FER: variants seen among roughly 807,000 people sequenced by gnomAD.
The protein encoded by FER is FER tyrosine kinase, also known as tyrosine-protein kinase Fer.
In FER, 63 loss-of-function variants were observed where a neutral mutation model predicts 111.0. The ratio of observed to expected loss-of-function variants is 0.57; its 90% CI spans 0.46 to 0.70. The LOEUF is 0.70. Ranked by LOEUF, FER falls within the 30% of genes least tolerant of loss-of-function variation. FER has a pLI of 0.00. For missense variants in FER, 914 were observed against 954.0 expected, an observed-to-expected ratio of 0.96 and a Z score of 0.55; for synonymous variants, 327 against 313.9, an observed-to-expected ratio of 1.04 and a Z score of -0.44.
chr5:109,164,469 C>A (rs1433646838), intron 17 of FER, among the ~76,000 whole-genome samples: 1 of 152,168 alleles, frequency 6.6e-6, no homozygotes, highest in African/African-American at 2.4e-5. Context: ...TGTGCTGATA[C>A]TGCTGACATT....
chr5:108,749,255 T>G (rs866102480), intron 1 of FER, among the ~76,000 whole-genome samples: 1 of 151,676 alleles, frequency 6.6e-6, no homozygotes, highest in African/African-American at 2.4e-5. Context: ...TGGTTGGGGC[T>G]TGGGCCGGGC....
chr5:109,060,547 G>A (rs1456081921), intron 16 of FER, among the ~76,000 whole-genome samples: 1 of 152,006 alleles, frequency 6.6e-6, no homozygotes, highest in Non-Finnish European at 1.5e-5. Flanking sequence ...AGCTGGGCGT[G>A]GTGGTGTGTG....
chr5:108,762,154 A>G (rs898310294), intron 1 of FER, among the ~76,000 whole-genome samples: 16 of 152,092 alleles, frequency 1.1e-4, no homozygotes, highest in African/African-American at 3.9e-4. Flanking sequence ...ACGTCAGGCA[A>G]TCTGCCTGCC....
chr5:108,850,874 T>C (rs942580339), intron 5 of FER, among the ~76,000 whole-genome samples: 11 of 152,172 alleles, frequency 7.2e-5, no homozygotes, highest in African/African-American at 2.4e-4. Flanking sequence ...AATAAAGAAA[T>C]AGTTGAAACC....
chr5:108,878,794 T>C (rs189270644), intron 8 of FER, among the ~76,000 whole-genome samples: 1 of 152,230 alleles, frequency 6.6e-6, no homozygotes, highest in African/African-American at 2.4e-5. Flanking sequence ...TTTTGTTTAT[T>C]GTGATTATAC....
chr5:109,017,496 G>A (rs1767308283), intron 13 of FER, among the ~76,000 whole-genome samples: 1 of 151,890 alleles, frequency 6.6e-6, no homozygotes, highest in Admixed American at 6.6e-5. Context: ...TTATAAATAA[G>A]TCTTGTATAT....
chr5:109,061,454 A>C (rs1234166884), intron 16 of FER, among the ~76,000 whole-genome samples: 1 of 152,194 alleles, frequency 6.6e-6, no homozygotes, highest in East Asian at 1.9e-4. Flanking sequence ...CTATTAAATA[A>C]GTGAGGTACA....
intron 8 of FER, among the ~76,000 whole-genome samples, chr5:108,879,701 A>AAATATATATATATATATATATATATAT: frequency 7.1e-5 from 7 of 99,090 alleles, no homozygotes; most frequent in African/African-American, 2.9e-4. Context: ...ATTAAAAAAA[A>AAATATATATATATATATATATATATAT]ATATATATAT....
chr5:108,982,258 AG>A (rs146558522), intron 13 of FER, among the ~76,000 whole-genome samples: 3,307 of 152,226 alleles, frequency 0.022, 98 homozygotes, highest in African/African-American at 0.075. Context: ...AAAGAAAAAA[AG>A]GGTATCTGGA....
At position 108,954,801 on chromosome 5, in the gene FER, A is replaced by G; in HGVS notation, c.1402A>G (p.Ile468Val). The G allele has an allele frequency of 1.2e-6, 2 of 1,612,552 alleles. No individual in the cohort carries two copies. Among genetic ancestry groups the G allele is most frequent in the Non-Finnish European group, 1.7e-6 (2 of 1,179,136 alleles). Residue 468 changes from isoleucine to valine, a missense_variant, in exon 12 of 20, where the codon ATA becomes GTA. This residue lies in a region of FER where 774 missense variants were observed against 782.6 expected (regional missense o/e 0.99). Transcript: ENST00000281092. ...QDWYHGAIPR[I>V]EAQELLKKQG... Reference sequence around the variant, plus strand: ...CTGGTACCATGGTGCAATTCCCAGAATAGAAGCTCAAGAACTGTTAAAAAA... The same window carrying G: ...CTGGTACCATGGTGCAATTCCCAGAGTAGAAGCTCAAGAACTGTTAAAAAA...
intron 16 of FER, chr5:109,052,244 T>C (rs1581808396): frequency 6.2e-7 from 1 of 1,606,406 alleles, no homozygotes; most frequent in African/African-American, 1.3e-5. Context: ...ACATGAGAGA[T>C]TGGGAAAGAC....
At chr5:108,790,998 T>C (rs1755302383) in intron 2 of FER, among the ~76,000 whole-genome samples, 1 of 152,382 alleles carries the variant, frequency 6.6e-6, no homozygotes, top group East Asian at 1.9e-4. Flanking sequence ...ATTGCCAAAT[T>C]ATATTCCATT....
At chr5:108,872,908 A>G (rs1449266860) in intron 8 of FER, among the ~76,000 whole-genome samples, 6 of 152,196 alleles carry the variant, frequency 3.9e-5, no homozygotes, top group African/African-American at 9.6e-5. Context: ...TTATGCCAGA[A>G]CCACAGCTAT....
In FER at chr5:109,012,148, G is replaced by A. The variant is rs12152935; in HGVS notation, c.1657-25274G>A. 5.0e-3 allele frequency among the ~76,000 whole-genome samples: 760 copies of A among 152,326 alleles called. 3 individuals carry two copies. The highest frequency in any genetic ancestry group is 9.2e-3 in the Non-Finnish European group (627 of 68,038). On this transcript the variant is annotated intron_variant, in intron 13 of 19. Transcript: ENST00000281092. The stretch of plus-strand genomic sequence containing the variant: ...TTTTACTTATTGTGAAGAGGTGTTT[G>A]ATTGTAACCTTCTTGGAGGTAGACT...
chr5:108,999,077 T>A (rs1231465214), intron 13 of FER, among the ~76,000 whole-genome samples: 7 of 152,182 alleles, frequency 4.6e-5, no homozygotes, highest in African/African-American at 1.7e-4. Flanking sequence ...TTGCTTTAGT[T>A]TTTTTAAAAG....
chr5:109,019,570 C>T (rs1424126300), intron 13 of FER, among the ~76,000 whole-genome samples: 2 of 151,764 alleles, frequency 1.3e-5, no homozygotes, highest in African/African-American at 4.8e-5. Context: ...ATTAAAAATA[C>T]AAATTATTGG....
intron 17 of FER, among the ~76,000 whole-genome samples, chr5:109,165,563 T>G (rs937099067): frequency 4.6e-5 from 7 of 150,750 alleles, no homozygotes; most frequent in Non-Finnish European, 8.9e-5. Flanking sequence ...GGAAATAAAG[T>G]GCACACCACA....
At chr5:108,860,694 G>A (rs563197610) in intron 5 of FER, among the ~76,000 whole-genome samples, 1 of 152,320 alleles carries the variant, frequency 6.6e-6, no homozygotes, top group East Asian at 1.9e-4. Flanking sequence ...AGGATAGCGA[G>A]TGTAGAGTAA....
At chr5:108,754,036 A>G (rs972826128) in intron 1 of FER, among the ~76,000 whole-genome samples, 3 of 152,198 alleles carry the variant, frequency 2.0e-5, no homozygotes, top group South Asian at 2.1e-4. Flanking sequence ...AAGAAAGCAT[A>G]TTAGAATGCA....
Sources: allele counts gnomAD v4.1 joint callset (sites outside exome capture counted in the v4.1 genomes callset), GRCh38; gene constraint gnomAD v4.1.1; regional missense constraint gnomAD v4.1.1; transcripts MANE v1.5; gene names NCBI Gene and HGNC (gene_info 2026-07-23, HGNC 2026-07-21).